RPS6KC1: variants seen among roughly 807,000 people sequenced by gnomAD.
RPS6KC1 encodes inactive ribosomal protein S6 kinase delta-1.
A neutral mutation model predicts 103.8 loss-of-function variants in RPS6KC1; 54 were observed. That is an observed-to-expected ratio of 0.52 (90% CI 0.42 to 0.65). RPS6KC1 has a LOEUF of 0.65. Ranked by LOEUF, RPS6KC1 falls within the 30% of genes least tolerant of loss-of-function variation. The pLI is 0.00. For synonymous variants in RPS6KC1, 439 were observed against 438.7 expected (o/e 1.00, Z -0.01); for missense variants, 1,151 against 1,253.8 (o/e 0.92, Z 1.24).
the RPS6KC1 span, among the ~76,000 whole-genome samples, chr1:213,801,818 C>T: frequency 3.3e-5 from 5 of 152,148 alleles, no homozygotes; most frequent in East Asian, 5.8e-4. Context: ...GTGGAAGTAT[C>T]ACTACCATGG....
intron 8 of RPS6KC1, among the ~76,000 whole-genome samples, chr1:213,200,195 G>T (rs1276750122): frequency 6.6e-6 from 1 of 152,108 alleles, no homozygotes; most frequent in Non-Finnish European, 1.5e-5. Context: ...TAAGCAAAAA[G>T]AACAAAGCTG....
chr1:213,531,146 G>T, the RPS6KC1 span, among the ~76,000 whole-genome samples: 1 of 152,130 alleles, frequency 6.6e-6, no homozygotes, highest in Non-Finnish European at 1.5e-5. Flanking sequence ...GAGATCGAAG[G>T]GTGCCTTTTA....
chr1:213,614,871 A>T, the RPS6KC1 span, among the ~76,000 whole-genome samples: 1 of 151,966 alleles, frequency 6.6e-6, no homozygotes, highest in Non-Finnish European at 1.5e-5. Flanking sequence ...TTTTTTACTT[A>T]TTTATTTTAT....
At chr1:213,754,975 C>T in the RPS6KC1 span, among the ~76,000 whole-genome samples, 1 of 152,116 alleles carries the variant, frequency 6.6e-6, no homozygotes, top group African/African-American at 2.4e-5. Context: ...CTTTTTAAGC[C>T]ACAGTGCAAA....
chr1:213,066,908 G>A (rs979775321), intron 1 of RPS6KC1, among the ~76,000 whole-genome samples: 3 of 152,136 alleles, frequency 2.0e-5, no homozygotes, highest in African/African-American at 7.2e-5. Context: ...AAGTCAAGTT[G>A]GGAACTGCTT....
intron 6 of RPS6KC1, among the ~76,000 whole-genome samples, chr1:213,147,296 A>G (rs1001164299): frequency 6.6e-6 from 1 of 152,086 alleles, no homozygotes; most frequent in African/African-American, 2.4e-5. Context: ...GATTTTCCCC[A>G]ATGTTTTGTT....
chr1:213,214,052 C>T (rs530625691), intron 8 of RPS6KC1, among the ~76,000 whole-genome samples: 84 of 152,272 alleles, frequency 5.5e-4, no homozygotes, highest in African/African-American at 1.9e-3. Flanking sequence ...TGCAGCGCAC[C>T]GAGCATGAGC....
the RPS6KC1 span, among the ~76,000 whole-genome samples, chr1:213,448,309 A>G: frequency 6.6e-6 from 1 of 151,548 alleles, no homozygotes; most frequent in African/African-American, 2.4e-5. Context: ...CTGGCCTTTC[A>G]TCAGAGGCAG....
At chr1:213,494,804 CAAGAGGTATATTGT>C in the RPS6KC1 span, among the ~76,000 whole-genome samples, 1 of 150,772 alleles carries the variant, frequency 6.6e-6, no homozygotes, top group African/African-American at 2.4e-5. Context: ...CTGAAATCTA[CAAGAGGTATATTGT>C]AAAGGCTGAC....
the RPS6KC1 span, among the ~76,000 whole-genome samples, chr1:213,692,490 T>A: frequency 6.6e-6 from 1 of 152,186 alleles, no homozygotes; most frequent in Non-Finnish European, 1.5e-5. Flanking sequence ...GCGTATGGTT[T>A]GACCTTTGAC....
intron 12 of RPS6KC1, among the ~76,000 whole-genome samples, chr1:213,251,412 T>G (rs1320399703): frequency 6.6e-6 from 1 of 152,174 alleles, no homozygotes; most frequent in East Asian, 1.9e-4. Flanking sequence ...AGCCCAGCTT[T>G]CTTTTCTTGA....
chr1:213,099,433 G>A (rs1167764547), intron 3 of RPS6KC1, among the ~76,000 whole-genome samples: 1 of 152,110 alleles, frequency 6.6e-6, no homozygotes, highest in African/African-American at 2.4e-5. Flanking sequence ...TCAGCATAAA[G>A]TGCAGATACC....
the RPS6KC1 span, among the ~76,000 whole-genome samples, chr1:213,781,753 G>T: frequency 2.0e-5 from 3 of 152,136 alleles, no homozygotes; most frequent in Non-Finnish European, 4.4e-5. Flanking sequence ...AGATGATTTG[G>T]TTAATTCTTA....
chr1:213,703,372 A>G, the RPS6KC1 span, among the ~76,000 whole-genome samples: 1 of 152,314 alleles, frequency 6.6e-6, no homozygotes, highest in Non-Finnish European at 1.5e-5. Context: ...CTACTTAGAT[A>G]AGAGTCATTT....
the RPS6KC1 span, among the ~76,000 whole-genome samples, chr1:213,536,356 G>T: frequency 3.9e-5 from 6 of 152,160 alleles, no homozygotes; most frequent in Admixed American, 2.0e-4. Flanking sequence ...TGACAGTGGA[G>T]GAAAAGATAG....
chr1:213,377,296 G>A, the RPS6KC1 span, among the ~76,000 whole-genome samples: 3 of 152,172 alleles, frequency 2.0e-5, no homozygotes, highest in East Asian at 5.8e-4. Context: ...ACAAGAGAGG[G>A]AAGGAAAGTA....
At chr1:213,600,039 A>G in the RPS6KC1 span, among the ~76,000 whole-genome samples, 2 of 152,098 alleles carry the variant, frequency 1.3e-5, no homozygotes, top group Non-Finnish European at 1.5e-5. Context: ...TTCTCATGAT[A>G]GTGAGTGAGT....
chr1:213,343,438 T>TACAC, the RPS6KC1 span, among the ~76,000 whole-genome samples: 17 of 45,698 alleles, frequency 3.7e-4, 3 homozygotes, highest in Non-Finnish European at 9.4e-4. Flanking sequence ...TATATATATA[T>TACAC]ATACATACCA....
the RPS6KC1 span, among the ~76,000 whole-genome samples, chr1:213,283,375 A>G: frequency 6.6e-6 from 1 of 152,222 alleles, no homozygotes; most frequent in Non-Finnish European, 1.5e-5. Context: ...TTCGTAGACA[A>G]CATTTGCAAC....
Sources: allele counts gnomAD v4.1 joint callset (sites outside exome capture counted in the v4.1 genomes callset), GRCh38; gene constraint gnomAD v4.1.1; transcripts MANE v1.5; gene names NCBI Gene and HGNC (gene_info 2026-07-23, HGNC 2026-07-21).